Variants in NCOR2 observed in about 807,000 individuals in gnomAD.
The protein encoded by NCOR2 is nuclear receptor corepressor 2.
Under a neutral mutation model 262.9 loss-of-function variants are expected in NCOR2, and 81 were observed. That is an observed-to-expected ratio of 0.31 (90% confidence interval 0.26 to 0.37). The LOEUF is 0.37. Ranked by LOEUF, NCOR2 falls within the 10% of genes least tolerant of loss-of-function variation. The pLI, the probability that NCOR2 is intolerant of heterozygous loss-of-function variation, is 1.00. For missense variants in NCOR2, 3,385 were observed against 3,621.4 expected, an observed-to-expected ratio of 0.93 and a Z score of 1.68; for synonymous variants, 1,659 against 1,559.3, an observed-to-expected ratio of 1.06 and a Z score of -1.51.
At chr12:124,551,057 G>A (rs187524261) in intron 1 of NCOR2, among the ~76,000 whole-genome samples, 22 of 152,340 alleles carry the variant, frequency 1.4e-4, no homozygotes, top group African/African-American at 5.1e-4. Context: ...TAATCATACA[G>A]ATAAAAATAA....
chr12:124,404,896 G>C (rs2042195506), intron 13 of NCOR2, among the ~76,000 whole-genome samples: 1 of 152,212 alleles, frequency 6.6e-6, no homozygotes, highest in Non-Finnish European at 1.5e-5. Flanking sequence ...AGAAACAGGA[G>C]AGCAGTGATC....
At chr12:124,469,876 G>C (rs2046739393) in intron 4 of NCOR2, among the ~76,000 whole-genome samples, 1 of 152,174 alleles carries the variant, frequency 6.6e-6, no homozygotes. Context: ...ATAAAAAAGG[G>C]TTGGTGTGGC....
chr12:124,354,179 C>A, exon 27 of NCOR2: 1 of 1,603,742 alleles, frequency 6.2e-7, no homozygotes, highest in Middle Eastern at 1.7e-4. Context: ...CCGCCCGGAA[C>A]TGAGCCCAGA....
chr12:124,422,316 G>A (rs2043253776), intron 12 of NCOR2, among the ~76,000 whole-genome samples, 185 bp downstream of exon 14: 1 of 152,180 alleles, frequency 6.6e-6, no homozygotes, highest in African/African-American at 2.4e-5. Flanking sequence ...GCCAGGGCGG[G>A]GCCTGCACTG....
intron 1 of NCOR2, among the ~76,000 whole-genome samples, chr12:124,525,263 T>C (rs924529378): frequency 2.6e-5 from 4 of 152,124 alleles, no homozygotes; most frequent in African/African-American, 9.7e-5. Flanking sequence ...TCCTTTCACA[T>C]AGTGGGTGCC....
At chr12:124,435,034 T>C (rs2044252152) in intron 8 of NCOR2, among the ~76,000 whole-genome samples, 1 of 152,236 alleles carries the variant, frequency 6.6e-6, no homozygotes, top group Non-Finnish European at 1.5e-5. Flanking sequence ...TGAGGGCAGA[T>C]GTTTCCACGC....
At chr12:124,530,380 G>C (rs1040576370) in intron 1 of NCOR2, among the ~76,000 whole-genome samples, 1 of 152,112 alleles carries the variant, frequency 6.6e-6, no homozygotes, top group Non-Finnish European at 1.5e-5. Context: ...TTGTGGAGGT[G>C]ATGCAAATGT....
intron 5 of NCOR2, among the ~76,000 whole-genome samples, chr12:124,463,912 T>G (rs1286356749): frequency 6.6e-6 from 1 of 151,558 alleles, no homozygotes; most frequent in East Asian, 1.9e-4. Flanking sequence ...TCCTGCCGCC[T>G]GAATATTTGC....
chr12:124,500,120 G>A (rs559178348), upstream of NCOR2, among the ~76,000 whole-genome samples: 19 of 152,222 alleles, frequency 1.2e-4, no homozygotes, highest in East Asian at 3.9e-4. Flanking sequence ...AGAACAAGAC[G>A]GTGCCTGGGT....
Position 124,481,487 on chromosome 12 carries a change from G to C in NCOR2, c.411+2109C>G, listed in dbSNP as rs529210974. Among the ~76,000 whole-genome samples the C allele has an allele frequency of 3.0e-4, 45 of 152,320 alleles. No homozygotes were observed. In the South Asian group the frequency reaches 9.3e-3, roughly 32 times the overall value. ...AGCCACAGGTCTCCCCTGCCATGCA[G>C]GCCCTGGAGGGCAGCCAGGGCTGGA... On this transcript the variant is annotated intron_variant, in intron 3 of 46. Coordinates refer to ENST00000405201, the Ensembl canonical transcript of NCOR2. The surrounding 1 kb of genome is among the most constrained non-coding windows in gnomAD (Gnocchi z 4.6).
At chr12:124,372,149 C>T (rs1488718449) in exon 20 of NCOR2, 1 of 1,601,394 alleles carries the variant, frequency 6.2e-7, no homozygotes, top group Non-Finnish European at 8.5e-7. Context: ...TCCTTCTTCT[C>T]TGCCTTGAGC....
chr12:124,409,127 T>A (rs58647613), intron 13 of NCOR2, among the ~76,000 whole-genome samples: 3,409 of 152,338 alleles, frequency 0.022, 116 homozygotes, highest in African/African-American at 0.066. Flanking sequence ...AACACGCACA[T>A]GGAAGCCTGT....
At chr12:124,559,046 T>A (rs964614767) in intron 1 of NCOR2, among the ~76,000 whole-genome samples, 1 of 152,128 alleles carries the variant, frequency 6.6e-6, no homozygotes, top group South Asian at 2.1e-4. Context: ...CAGAAAAGAC[T>A]GACCCCCAGG....
rs1040245506 is a variant in NCOR2, at chr12:124,517,806, T to C, written c.-118+17759A>G. 1.3e-5 allele frequency among the ~76,000 whole-genome samples: 2 copies of C among 152,086 alleles called. No homozygotes were observed. Among genetic ancestry groups the C allele is most frequent in the African/African-American group, 4.8e-5 (2 of 41,390 alleles). ...CTGCCCGGCCAGCGCCTCCGAGCGC[T>C]CTTTTCCGTGACTGCAGCAACTTCG... On this transcript the variant is annotated intron_variant, in intron 1 of 46. Coordinates refer to the NCOR2 transcript ENST00000404621. This position sits in a 1 kb window ranked among gnomAD's most constrained non-coding sequence, Gnocchi z 7.6.
At chr12:124,442,593 T>A (rs1294207743) in intron 7 of NCOR2, among the ~76,000 whole-genome samples, 1 of 152,186 alleles carries the variant, frequency 6.6e-6, no homozygotes, top group Non-Finnish European at 1.5e-5. Flanking sequence ...TTCCACCTTC[T>A]CACAAAAGAA....
intron 1 of NCOR2, among the ~76,000 whole-genome samples, chr12:124,488,050 G>A (rs115377895): frequency 6.6e-6 from 1 of 152,248 alleles, no homozygotes; most frequent in African/African-American, 2.4e-5. Flanking sequence ...GGGATTACAA[G>A]GGACTTCGTC....
rs375804883 is a variant in NCOR2 at position 124,355,520 on chromosome 12, C to T, written c.3293G>A (p.Arg1098His). Residue 1098 changes from arginine (R) to histidine (H), a missense_variant, in exon 24 of 47, where the codon CGC becomes CAC. By Grantham distance (29) the Arg-to-His change is conservative (BLOSUM62 0). Coordinates refer to ENST00000405201, the Ensembl canonical transcript of NCOR2. ...AGGCGGGTTGGAGATGGTGGGTGGG[C>T]GCGGCAGGACGGGCCGGGCAGTGTC... 9.7e-5 allele frequency: 155 copies of T among 1,602,566 alleles called. No individual in the cohort carries two copies. In the Middle Eastern group the frequency reaches 1.8e-3, roughly 19 times the overall value.
In NCOR2 at chr12:124,473,103, G is replaced by A. The variant is rs200539242; in HGVS notation, c.440C>T (p.Pro147Leu). 58 of 1,613,942 alleles carry A rather than the reference G, an allele frequency of 3.6e-5. No individual in the cohort carries two copies. The highest frequency in any genetic ancestry group is 1.5e-4 in the African/African-American group (11 of 75,008). Reference sequence around the variant, plus strand: ...GTGCGGGGGGCTGGGGGGAGACACCGGTTCCAGCTTGCCCGTCAGGCTACG... The same window carrying A: ...GTGCGGGGGGCTGGGGGGAGACACCAGTTCCAGCTTGCCCGTCAGGCTACG... The change falls in exon 4 of 47, where the codon CCG becomes CTG. Residue 147 changes from proline to leucine, a missense_variant. This residue lies in a region of NCOR2 where 237 missense variants were observed against 229.4 expected (regional missense o/e 1.03). Transcript: ENST00000405201.
chr12:124,377,255 T>C (rs527295721), intron 18 of NCOR2, among the ~76,000 whole-genome samples: 1 of 152,268 alleles, frequency 6.6e-6, no homozygotes, highest in South Asian at 2.1e-4. Flanking sequence ...ACGCCCTCTC[T>C]TCAGCAGCAC....
Sources: allele counts gnomAD v4.1 joint callset (sites outside exome capture counted in the v4.1 genomes callset), GRCh38; gene constraint gnomAD v4.1.1; regional missense constraint gnomAD v4.1.1; non-coding constraint Gnocchi (gnomAD v3.1); transcripts MANE v1.5; gene names NCBI Gene and HGNC (gene_info 2026-07-23, HGNC 2026-07-21).